The following METTL8 variants were observed in gnomAD, a reference collection of about 807,000 sequenced individuals.
The protein encoded by METTL8 is tRNA N(3)-cytidine methyltransferase METTL8, mitochondrial.
METTL8 carries 32 observed loss-of-function variants against 48.7 expected under a neutral mutation model. The ratio of observed to expected loss-of-function variants is 0.66; its 90% CI spans 0.50 to 0.88. The LOEUF (loss-of-function observed/expected upper bound fraction) is 0.88. Among genes scored for constraint, METTL8 ranks in the 40% least tolerant of loss-of-function variants. The probability of loss-of-function intolerance (pLI) is 0.00; values close to 1 mark genes in which losing one functional copy is unlikely to be tolerated. For synonymous variants in METTL8, 136 were observed against 157.1 expected (o/e 0.87, Z 1.01); for missense variants, 464 against 474.4 (o/e 0.98, Z 0.20).
intron 1 of METTL8, among the ~76,000 whole-genome samples, chr2:171,428,945 G>A (rs945375015): frequency 6.6e-6 from 1 of 152,034 alleles, no homozygotes; most frequent in Non-Finnish European, 1.5e-5. Flanking sequence ...TGAAAATGTG[G>A]GCAAGATAAT....
At chr2:171,364,305 A>G (rs1197771203) in intron 2 of METTL8, among the ~76,000 whole-genome samples, 1 of 152,158 alleles carries the variant, frequency 6.6e-6, no homozygotes, top group East Asian at 1.9e-4. Flanking sequence ...CCTGTACTCT[A>G]TGTTTAAGAC....
chr2:171,417,833 T>C (rs1691468340), intron 1 of METTL8, among the ~76,000 whole-genome samples: 1 of 152,222 alleles, frequency 6.6e-6, no homozygotes. Flanking sequence ...AATTAACAAC[T>C]CAATAGTAAT....
chr2:171,358,550 T>C (rs917663758), intron 3 of METTL8, among the ~76,000 whole-genome samples: 1 of 152,018 alleles, frequency 6.6e-6, no homozygotes, highest in African/African-American at 2.4e-5. Flanking sequence ...GTCAAGTACA[T>C]ATGATGGGGA....
Position 171,326,129 on chromosome 2 carries a change from G to A in METTL8, c.880C>T (p.Arg294Ter), listed in dbSNP as rs376973473. The change falls in exon 8 of 10, where the codon CGA becomes TGA. Residue 294 changes from arginine to a stop codon, truncating the protein, a stop_gained. Transcript: ENST00000375258. LOFTEE classifies it high-confidence loss of function. ...HPDRMQGVVN[R>*]LSKLLKPGGM... ...CCAGGTTTCAGTAACTTGGACAGTCGGTTTACAACACCTTGCATCCTTTGG... is the reference window on the plus strand; with the variant it reads ...CCAGGTTTCAGTAACTTGGACAGTCAGTTTACAACACCTTGCATCCTTTGG... 15 of 1,540,610 alleles carry A rather than the reference G, an allele frequency of 9.7e-6. No individual in the cohort carries two copies. The highest frequency in any genetic ancestry group is 2.5e-5 in the East Asian group (1 of 40,790).
At chr2:171,357,217 C>G (rs1050239025) in intron 3 of METTL8, among the ~76,000 whole-genome samples, 1 of 152,064 alleles carries the variant, frequency 6.6e-6, no homozygotes. Flanking sequence ...CCCTGGCCCC[C>G]CAAAGTTCTG....
At chr2:171,379,091 G>A (rs530034888) in intron 2 of METTL8, among the ~76,000 whole-genome samples, 8 of 152,042 alleles carry the variant, frequency 5.3e-5, no homozygotes, top group Non-Finnish European at 1.2e-4. Flanking sequence ...ATTAGAACTC[G>A]AGATTTAAAA....
intron 3 of METTL8, among the ~76,000 whole-genome samples, chr2:171,340,161 GT>G (rs1347230087): frequency 7.2e-6 from 1 of 138,694 alleles, no homozygotes; most frequent in African/African-American, 2.7e-5. Context: ...TTGCACCATT[GT>G]GCTCCAGCCT....
Position 171,360,517 on chromosome 2 carries a change from T to G in METTL8, c.144-4A>C. On this transcript the variant is annotated splice_polypyrimidine_tract_variant and splice_region_variant and intron_variant, in intron 2 of 9. Transcript: ENST00000375258. ...CTTAGACCACTGCATGTGATCCCTA[T>G]TAAAAAAAAATAGACTGTAAAATAT... 6.2e-7 allele frequency: 1 copy of G among 1,607,592 alleles called. No homozygotes were observed. The highest frequency in any genetic ancestry group is 8.5e-7 in the Non-Finnish European group (1 of 1,178,276).
At chr2:171,352,515 A>G (rs879020395) in intron 3 of METTL8, among the ~76,000 whole-genome samples, 4 of 151,924 alleles carry the variant, frequency 2.6e-5, no homozygotes, top group African/African-American at 7.3e-5. Flanking sequence ...CTCTTTTTCT[A>G]TTGATTGGAA....
upstream of METTL8, chr2:171,434,612 G>A (rs779151739): frequency 2.0e-6 from 3 of 1,529,710 alleles, no homozygotes; most frequent in African/African-American, 1.4e-5. Flanking sequence ...GTGTGCAGCC[G>A]GCTGAGTCGC....
intron 2 of METTL8, among the ~76,000 whole-genome samples, chr2:171,390,558 G>C (rs1688491141): frequency 6.6e-6 from 1 of 152,164 alleles, no homozygotes; most frequent in Non-Finnish European, 1.5e-5. Context: ...ATAGGAGTTT[G>C]GAAGAAGTTG....
intron 3 of METTL8, among the ~76,000 whole-genome samples, chr2:171,346,254 T>C: frequency 6.6e-6 from 1 of 152,232 alleles, no homozygotes; most frequent in East Asian, 1.9e-4. Flanking sequence ...CTCAAATTCC[T>C]GGGCTCAAGA....
intron 7 of METTL8, among the ~76,000 whole-genome samples, chr2:171,328,366 C>T (rs879596400): frequency 4.6e-5 from 7 of 152,168 alleles, no homozygotes; most frequent in African/African-American, 7.2e-5. Flanking sequence ...GCTGGGTCCT[C>T]CAGACTCAAG....
chr2:171,322,201 T>A lies in METTL8; in HGVS notation c.*1971A>T, dbSNP rs916853530. 6.6e-6 allele frequency: 1 copy of A among 151,892 alleles called. No homozygotes were observed. Among genetic ancestry groups the A allele is most frequent in the African/African-American group, 2.4e-5 (1 of 41,374 alleles). The allele number at this position is 151,892 out of a possible 1,614,324, so 9.4% of individuals were successfully genotyped here. On this transcript the variant is annotated 3_prime_UTR_variant, in exon 10 of 10. Coordinates refer to ENST00000375258, the MANE Select transcript of METTL8 (RefSeq NM_001321154.2). ...GGCTGGTCTTGAACTCCTGACCTCA[T>A]GATCCGCCTCCTCGGCCTCCCAAAG...
In METTL8 at chr2:171,356,960, T is replaced by TTTTTTTG. The variant is rs1559101916; in HGVS notation, c.235+3461_235+3462insCAAAAAA. On this transcript the variant is annotated intron_variant, in intron 3 of 9. Coordinates refer to ENST00000375258, the MANE Select transcript of METTL8 (RefSeq NM_001321154.2). ...CCTTGTTCAAAGACAATATTTTTTT[T>TTTTTTTG]TTTTTTTTTGAGACAGGGTCTTACT... 6.6e-3 allele frequency among the ~76,000 whole-genome samples: 817 copies of TTTTTTTG among 123,698 alleles called. 39 individuals carry two copies. Among genetic ancestry groups the TTTTTTTG allele is most frequent in the African/African-American group, 0.021 (728 of 34,554 alleles). The allele number at this position is 123,698 out of a possible 152,430, so 81.2% of individuals were successfully genotyped here. A position where few individuals can be genotyped will look rare whatever the true frequency, so the allele number is the denominator to read the frequency against.
chr2:171,430,213 C>T (rs1574269451), intron 1 of METTL8, among the ~76,000 whole-genome samples: 1 of 151,782 alleles, frequency 6.6e-6, no homozygotes, highest in African/African-American at 2.4e-5. Flanking sequence ...TTAAAATTAG[C>T]CAGGGATGGT....
At chr2:171,356,950 A>ATGTGTTTTTTTTTTTTTT (rs1202277226) in intron 3 of METTL8, among the ~76,000 whole-genome samples, 1 of 4,744 alleles carries the variant, frequency 2.1e-4, no homozygotes, top group African/African-American at 3.0e-4. Flanking sequence ...TTCAAAGACA[A>ATGTGTTTTTTTTTTTTTT]TATTTTTTTT....
intron 2 of METTL8, among the ~76,000 whole-genome samples, chr2:171,375,693 T>A (rs1225345187): frequency 6.6e-6 from 1 of 152,236 alleles, no homozygotes; most frequent in African/African-American, 2.4e-5. Context: ...TTTAAATTTA[T>A]TCTGATTATG....
At chr2:171,417,063 G>C (rs1014172575) in intron 1 of METTL8, among the ~76,000 whole-genome samples, 2 of 152,170 alleles carry the variant, frequency 1.3e-5, no homozygotes, top group South Asian at 4.1e-4. Flanking sequence ...CTTAACAAGG[G>C]AAGTGGATAT....
Sources: allele counts gnomAD v4.1 joint callset (sites outside exome capture counted in the v4.1 genomes callset), GRCh38; gene constraint gnomAD v4.1.1; transcripts MANE v1.5; gene names NCBI Gene and HGNC (gene_info 2026-07-23, HGNC 2026-07-21).